Variants in DTX4 observed in about 807,000 individuals in gnomAD.
The protein encoded by DTX4 is E3 ubiquitin-protein ligase DTX4.
In DTX4, 28 loss-of-function variants were observed where a neutral mutation model predicts 57.6. That is an observed-to-expected ratio of 0.49 (90% CI 0.36 to 0.67). DTX4 has a LOEUF of 0.67. Among genes scored for constraint, DTX4 ranks in the 30% least tolerant of loss-of-function variants. The probability of loss-of-function intolerance (pLI) is 0.00; values close to 1 mark genes in which losing one functional copy is unlikely to be tolerated. For missense variants in DTX4, 715 were observed against 836.8 expected (o/e 0.85, Z 1.80); for synonymous variants, 316 against 331.0 (o/e 0.95, Z 0.49).
At chr11:59,173,566 G>A (rs1362430317) in intron 1 of DTX4, among the ~76,000 whole-genome samples, 1 of 152,220 alleles carries the variant, frequency 6.6e-6, no homozygotes, top group Non-Finnish European at 1.5e-5. Flanking sequence ...CTTTGTCTGC[G>A]GAGGAGGAGG....
rs1862346161 is a variant in DTX4, at chr11:59,172,861, A to G, written c.211+55A>G. 13 of 1,399,322 alleles carry G rather than the reference A, an allele frequency of 9.3e-6. No homozygotes were observed. In the East Asian group the frequency reaches 2.8e-4, roughly 30 times the overall value. 86.7% of individuals were successfully genotyped at this position (1,399,322 alleles called of 1,614,324 possible). A position where few individuals can be genotyped will look rare whatever the true frequency, so the allele number is the denominator to read the frequency against. ...CCTGCTCCCACCTTCCCAACCTGCC[A>G]AGGTACCTCCCTCCCTGTGAACCCA... On this transcript the variant is annotated intron_variant, in intron 1 of 8. Transcript: ENST00000227451.
chr11:59,204,968 G>A lies in DTX4; in HGVS notation c.*59G>A. ...GAGACTGCAGGACAGGAAGTGAGGA[G>A]AGTGAGTCAATGTAGAAGAAGTTGG... On this transcript the variant is annotated 3_prime_UTR_variant, in exon 9 of 9. Coordinates refer to ENST00000227451, the MANE Select transcript of DTX4 (RefSeq NM_015177.2). The A allele has an allele frequency of 6.9e-7, 1 of 1,450,152 alleles. No homozygotes were observed. The highest frequency in any genetic ancestry group is 9.4e-7 in the Non-Finnish European group (1 of 1,058,890). The allele number at this position is 1,450,152 out of a possible 1,614,324, so 89.8% of individuals were successfully genotyped here. A position where few individuals can be genotyped will look rare whatever the true frequency, so the allele number is the denominator to read the frequency against.
In DTX4 at chr11:59,172,669, C is replaced by T; in HGVS notation, c.74C>T (p.Ala25Val). The change falls in exon 1 of 9, where the codon GCG becomes GTG. Residue 25 changes from alanine (A) to valine (V), a missense_variant. Transcript: ENST00000227451. ...GGCCGCTGGCGTCCCTACAGCCCAGCGGTGAGCCACCACATCGAGGCGGTG... is the reference window on the plus strand; with the variant it reads ...GGCCGCTGGCGTCCCTACAGCCCAGTGGTGAGCCACCACATCGAGGCGGTG... ...EHGRWRPYSP[A>V]VSHHIEAVVR... is the part of the protein sequence containing the mutation. 6.3e-7 allele frequency: 1 copy of T among 1,599,260 alleles called. No individual in the cohort carries two copies. The highest frequency in any genetic ancestry group is 1.1e-5 in the South Asian group (1 of 89,790).
intron 1 of DTX4, among the ~76,000 whole-genome samples, chr11:59,179,204 G>A (rs968791954): frequency 1.2e-4 from 18 of 152,270 alleles, no homozygotes; most frequent in Admixed American, 4.6e-4. Flanking sequence ...TGAAATTTAC[G>A]TGGGATATGT....
At chr11:59,188,930 G>T in intron 3 of DTX4, 134 bp downstream of exon 3, 1 of 1,001,472 alleles carries the variant, frequency 1.0e-6, no homozygotes, top group Admixed American at 2.3e-5. Context: ...GGAATTGCAT[G>T]GGAAGGGTAT....
rs769768931 is a variant in DTX4 at position 59,205,386 on chromosome 11, G to T, written c.*477G>T. 2.3e-3 allele frequency: 403 copies of T among 171,978 alleles called. No individual in the cohort carries two copies. Among genetic ancestry groups the T allele is most frequent in the Non-Finnish European group, 4.0e-3 (309 of 77,702 alleles). The allele number at this position is 171,978 out of a possible 1,614,324, so 10.7% of individuals were successfully genotyped here. A position where few individuals can be genotyped will look rare whatever the true frequency, so the allele number is the denominator to read the frequency against. On this transcript the variant is annotated 3_prime_UTR_variant, in exon 9 of 9. Coordinates refer to ENST00000227451, the MANE Select transcript of DTX4 (RefSeq NM_015177.2). ...CAGGGAGCTCTCACTGTGCAAGGTT[G>T]GGGGGTGGGCAAAGGGGTGAATCAC...
Position 59,172,494 on chromosome 11 carries a change from C to T in DTX4, c.-102C>T. ...GGGCGGCGGGGCGCGGGGCAGGGGG[C>T]GCGGTCGAGGCCCGGAGGCGGCGGC... On this transcript the variant is annotated 5_prime_UTR_variant, in exon 1 of 9. Coordinates refer to ENST00000227451, the MANE Select transcript of DTX4 (RefSeq NM_015177.2). 3 of 622,964 alleles carry T rather than the reference C, an allele frequency of 4.8e-6. No individual in the cohort carries two copies. Among genetic ancestry groups the T allele is most frequent in the East Asian group, 1.1e-4 (2 of 18,318 alleles). The allele number at this position is 622,964 out of a possible 1,614,324, so 38.6% of individuals were successfully genotyped here.
chr11:59,174,408 G>T (rs1012670768), intron 1 of DTX4, among the ~76,000 whole-genome samples: 1 of 151,370 alleles, frequency 6.6e-6, no homozygotes, highest in African/African-American at 2.4e-5. Context: ...GGTGGAGGGG[G>T]TGTGTGTTGG....
At position 59,206,933 on chromosome 11, in the gene DTX4, C is replaced by T. The variant is rs1862819218; in HGVS notation, c.*2024C>T. On this transcript the variant is annotated 3_prime_UTR_variant, in exon 9 of 9. Transcript: ENST00000227451. ...GACTGGTCCCAAGGTTACTGCACCA[C>T]AGGGCAATTTCCTGCCATAGTTAGG... 1 of 152,546 alleles carries T rather than the reference C, an allele frequency of 6.6e-6. No homozygotes were observed. Among genetic ancestry groups the T allele is most frequent in the African/African-American group, 2.4e-5 (1 of 41,438 alleles). The allele number at this position is 152,546 out of a possible 1,614,324, so 9.4% of individuals were successfully genotyped here.
chr11:59,199,065 C>T (rs1282968439), intron 7 of DTX4, among the ~76,000 whole-genome samples: 2 of 152,094 alleles, frequency 1.3e-5, no homozygotes, highest in African/African-American at 4.8e-5. Flanking sequence ...TATCCCAATT[C>T]CTATTGTTAA....
At chr11:59,190,003 T>G (rs1392500880) in intron 4 of DTX4, among the ~76,000 whole-genome samples, 1 of 152,212 alleles carries the variant, frequency 6.6e-6, no homozygotes, top group Non-Finnish European at 1.5e-5. Flanking sequence ...CTTGCAGGCT[T>G]GTGAAGTTTA....
intron 8 of DTX4, among the ~76,000 whole-genome samples, chr11:59,201,393 C>G (rs1228749432): frequency 1.3e-5 from 2 of 152,192 alleles, no homozygotes; most frequent in Non-Finnish European, 2.9e-5. Flanking sequence ...GAAGGAGCAG[C>G]CCTCCTGTGG....
At chr11:59,177,665 C>T (rs1235815990) in intron 1 of DTX4, among the ~76,000 whole-genome samples, 1 of 152,220 alleles carries the variant, frequency 6.6e-6, no homozygotes, top group Non-Finnish European at 1.5e-5. Context: ...CTACCTCTAT[C>T]CTCATGCATT....
In DTX4 at chr11:59,172,501, G is replaced by T; in HGVS notation, c.-95G>T. On this transcript the variant is annotated 5_prime_UTR_variant, in exon 1 of 9. The change creates a premature stop within an existing upstream ORF in the 5' untranslated region. Transcript: ENST00000227451. Reference sequence around the variant, plus strand: ...GGGGCGCGGGGCAGGGGGCGCGGTCGAGGCCCGGAGGCGGCGGCGCAGGAG... The same window carrying T: ...GGGGCGCGGGGCAGGGGGCGCGGTCTAGGCCCGGAGGCGGCGGCGCAGGAG... 2 of 780,878 alleles carry T rather than the reference G, an allele frequency of 2.6e-6. No homozygotes were observed. Among genetic ancestry groups the T allele is most frequent in the Non-Finnish European group, 3.3e-6 (2 of 597,100 alleles). The allele number at this position is 780,878 out of a possible 1,614,324, so 48.4% of individuals were successfully genotyped here.
chr11:59,192,886 G>T (rs1344057247), intron 6 of DTX4, among the ~76,000 whole-genome samples: 1 of 152,116 alleles, frequency 6.6e-6, no homozygotes, highest in African/African-American at 2.4e-5. Context: ...CATTAGAGCT[G>T]GTTCTTTGGA....
chr11:59,180,828 C>T (rs999918369), intron 1 of DTX4, among the ~76,000 whole-genome samples: 18 of 152,080 alleles, frequency 1.2e-4, no homozygotes, highest in East Asian at 3.9e-4. Context: ...GACCTCTTCC[C>T]GGCCCCAAAG....
At chr11:59,183,797 C>T (rs1226631205) in intron 2 of DTX4, among the ~76,000 whole-genome samples, 2 of 152,232 alleles carry the variant, frequency 1.3e-5, no homozygotes, top group African/African-American at 4.8e-5. Flanking sequence ...GCCACAGAAT[C>T]TTTGCAAGAT....
chr11:59,189,053 G>T (rs1862563523), intron 3 of DTX4, 109 bp from the exon 4 acceptor site: 1 of 1,349,694 alleles, frequency 7.4e-7, no homozygotes, highest in African/African-American at 1.5e-5. Flanking sequence ...GGAATTATGA[G>T]AACTTTCTGC....
At position 59,182,099 on chromosome 11, in the gene DTX4, G is replaced by T; in HGVS notation, c.572G>T (p.Cys191Phe). ...TCGCCCCCCATGTCCCCCTGCTCCT[G>T]TCCCCAGTGTGTCTTGGTGATGAGT... is the stretch of plus-strand genomic sequence containing the variant. ...ATSPPMSPCSCPQCVLVMSVK... is the reference protein window; with the variant it reads ...ATSPPMSPCSFPQCVLVMSVK... Residue 191 changes from cysteine (C) to phenylalanine (F), a missense_variant, in exon 2 of 9, where the codon TGT (cysteine) becomes TTT (phenylalanine). Cys to Phe is a radical substitution (Grantham distance 205, BLOSUM62 -2). Coordinates refer to ENST00000227451, the MANE Select transcript of DTX4 (RefSeq NM_015177.2). 1 of 1,613,222 alleles carries T rather than the reference G, an allele frequency of 6.2e-7. No individual in the cohort carries two copies. Among genetic ancestry groups the T allele is most frequent in the South Asian group, 1.1e-5 (1 of 91,008 alleles).
Sources: gnomAD v4.1 joint callset for allele counts (sites outside exome capture counted in the v4.1 genomes callset) on GRCh38, gnomAD v4.1.1 for gene constraint, MANE v1.5 for transcripts, NCBI Gene and HGNC (gene_info 2026-07-23, HGNC 2026-07-21) for gene names.